The following NDUFS4 variants were observed in gnomAD, a reference collection of about 807,000 sequenced individuals.
NDUFS4 encodes the protein NADH dehydrogenase [ubiquinone] iron-sulfur protein 4, mitochondrial.
Under a neutral mutation model 24.3 loss-of-function variants are expected in NDUFS4, and 28 were observed. That is an observed-to-expected ratio of 1.15 (90% CI 0.85 to 1.58). The LOEUF (loss-of-function observed/expected upper bound fraction) is 1.58. Among genes scored for constraint, NDUFS4 ranks in the 40% most tolerant of loss-of-function variants. The pLI, the probability that NDUFS4 is intolerant of heterozygous loss-of-function variation, is 0.00. For missense variants in NDUFS4, 223 were observed against 207.9 expected (o/e 1.07, Z -0.45); for synonymous variants, 93 against 69.7 (o/e 1.34, Z -1.67).
chr5:53,683,026 TAA>T (rs1740722341), intron 4 of NDUFS4, 90 bp from the exon 5 acceptor site: 1 of 843,496 alleles, frequency 1.2e-6, no homozygotes, highest in African/African-American at 1.7e-5. Context: ...AACATTAAGT[TAA>T]GTTATAAAAG....
chr5:53,587,604 G>A (rs1362337143), intron 1 of NDUFS4, among the ~76,000 whole-genome samples: 6 of 146,890 alleles, frequency 4.1e-5, no homozygotes, highest in South Asian at 2.1e-4. Flanking sequence ...TTGAGACAGC[G>A]TCTCGCTCTG....
intron 4 of NDUFS4, 160 bp downstream of exon 4, chr5:53,658,784 CAAAAAA>C (rs35754713): frequency 2.6e-4 from 36 of 136,908 alleles, no homozygotes; most frequent in African/African-American, 6.7e-4. Flanking sequence ...CACCCACCTC[CAAAAAA>C]AAAAAAAAAA....
chr5:53,673,921 C>T (rs957491134), intron 4 of NDUFS4, among the ~76,000 whole-genome samples: 2 of 152,300 alleles, frequency 1.3e-5, no homozygotes, highest in East Asian at 3.9e-4. Context: ...CATTAACCAA[C>T]TCAGAGATAC....
At chr5:53,673,275 CCT>C (rs1293705440) in intron 4 of NDUFS4, among the ~76,000 whole-genome samples, 2 of 151,980 alleles carry the variant, frequency 1.3e-5, no homozygotes, top group African/African-American at 2.4e-5. Flanking sequence ...ATAAAATAAA[CCT>C]AATTATTTTT....
chr5:53,604,135 C>T (rs959836853), intron 2 of NDUFS4, among the ~76,000 whole-genome samples: 2 of 152,208 alleles, frequency 1.3e-5, no homozygotes, highest in African/African-American at 2.4e-5. Flanking sequence ...TGTTACTTTA[C>T]ATGCAACTTT....
rs147898675 is a variant in NDUFS4, at chr5:53,594,981, T to A, written c.99-8471T>A. Among the ~76,000 whole-genome samples the A allele has an allele frequency of 2.0e-5, 3 of 152,182 alleles. No individual in the cohort carries two copies. The East Asian group carries it at 5.8e-4, about 29-fold the overall frequency. ...TAGAAAGGGATTCAGACATTATGCT[T>A]CCATGAAAGGATGGCCAGTTGTCTC... On this transcript the variant is annotated intron_variant, in intron 1 of 4. Transcript: ENST00000296684.
rs1206147247 is a variant in NDUFS4, at chr5:53,565,459, A to G, written c.98+4699A>G. The stretch of plus-strand genomic sequence containing the variant: ...TGTTTATTTGTGTGTACTTCATGGC[A>G]TCTAGTGTAATGGCTTGCATGTAGC... On this transcript the variant is annotated intron_variant, in intron 1 of 4. Coordinates refer to ENST00000296684, the MANE Select transcript of NDUFS4 (RefSeq NM_002495.4). Among the ~76,000 whole-genome samples the G allele has an allele frequency of 2.6e-5, 4 of 152,202 alleles. No homozygotes were observed. In the East Asian group the frequency reaches 7.7e-4, roughly 29 times the overall value.
chr5:53,584,140 A>G (rs1749665262), intron 1 of NDUFS4, among the ~76,000 whole-genome samples: 1 of 152,218 alleles, frequency 6.6e-6, no homozygotes, highest in Non-Finnish European at 1.5e-5. Context: ...TTTCATAGAA[A>G]TTACCATTTG....
At chr5:53,573,778 A>G in intron 1 of NDUFS4, 1 of 240,398 alleles carries the variant, frequency 4.2e-6, no homozygotes, top group Middle Eastern at 5.0e-4. Context: ...ATTTTTTTGT[A>G]GAGACAGGTT....
At chr5:53,566,124 G>C (rs1037748303) in intron 1 of NDUFS4, among the ~76,000 whole-genome samples, 1 of 152,172 alleles carries the variant, frequency 6.6e-6, no homozygotes, top group Non-Finnish European at 1.5e-5. Flanking sequence ...AGTGAGCCGA[G>C]ATCGCACCAC....
In NDUFS4 at chr5:53,564,528, T is replaced by A. The variant is rs570536773; in HGVS notation, c.98+3768T>A. Among the ~76,000 whole-genome samples, 76 of 152,288 alleles carry A rather than the reference T, an allele frequency of 5.0e-4. 1 individual carries two copies. The highest frequency in any genetic ancestry group is 1.7e-3 in the African/African-American group (69 of 41,554). Reference sequence around the variant, plus strand: ...ATCAGTAGCAGACATCTTCGTTGAATTTTTGTTAGGAAAATAATTATTATA... The same window carrying A: ...ATCAGTAGCAGACATCTTCGTTGAAATTTTGTTAGGAAAATAATTATTATA... On this transcript the variant is annotated intron_variant, in intron 1 of 4. Transcript: ENST00000296684.
intron 4 of NDUFS4, among the ~76,000 whole-genome samples, chr5:53,661,334 G>A: frequency 1.3e-5 from 2 of 151,954 alleles, no homozygotes; most frequent in African/African-American, 4.8e-5. Context: ...TATTTCTGAG[G>A]GCTCTGTTCT....
chr5:53,597,849 ACG>A (rs1461713974), intron 1 of NDUFS4, among the ~76,000 whole-genome samples: 2 of 152,194 alleles, frequency 1.3e-5, no homozygotes, highest in African/African-American at 4.8e-5. Context: ...TTTGCAAAAC[ACG>A]TATCTCATAA....
intron 4 of NDUFS4, among the ~76,000 whole-genome samples, chr5:53,682,867 G>GAATC (rs1740715261): frequency 6.6e-6 from 1 of 152,070 alleles, no homozygotes; most frequent in South Asian, 2.1e-4. Context: ...AGGTGAAATT[G>GAATC]AATCATAGTT....
In NDUFS4 at chr5:53,660,615, G is replaced by A. The variant is rs550312438; in HGVS notation, c.424+1991G>A. 5.7e-4 allele frequency among the ~76,000 whole-genome samples: 86 copies of A among 152,006 alleles called. 1 individual carries two copies. Among genetic ancestry groups the A allele is most frequent in the African/African-American group, 1.8e-3 (74 of 41,476 alleles). On this transcript the variant is annotated intron_variant, in intron 4 of 4. Coordinates refer to ENST00000296684, the MANE Select transcript of NDUFS4 (RefSeq NM_002495.4). ...GGTTGAACTAGTTTGCAGTCCCACCGACAGTGTAAAAGTGTTCCTTTTTCT... is the reference window on the plus strand; with the variant it reads ...GGTTGAACTAGTTTGCAGTCCCACCAACAGTGTAAAAGTGTTCCTTTTTCT...
intron 1 of NDUFS4, among the ~76,000 whole-genome samples, chr5:53,593,071 A>G (rs1215842302): frequency 1.3e-5 from 2 of 152,138 alleles, no homozygotes; most frequent in African/African-American, 4.8e-5. Context: ...AGAATGAGGT[A>G]CTACATGCTT....
At chr5:53,623,931 C>T (rs1313866545) in intron 2 of NDUFS4, among the ~76,000 whole-genome samples, 2 of 152,114 alleles carry the variant, frequency 1.3e-5, no homozygotes, top group Non-Finnish European at 2.9e-5. Context: ...ATTGGCCAGG[C>T]TACTCTTGAA....
intron 1 of NDUFS4, among the ~76,000 whole-genome samples, chr5:53,594,016 C>T (rs1750055940): frequency 6.6e-6 from 1 of 151,982 alleles, no homozygotes; most frequent in Non-Finnish European, 1.5e-5. Flanking sequence ...GTGTCTTTTG[C>T]CATTGTTAGA....
intron 4 of NDUFS4, among the ~76,000 whole-genome samples, chr5:53,678,722 A>G (rs1358397064): frequency 6.6e-6 from 1 of 152,196 alleles, no homozygotes; most frequent in Non-Finnish European, 1.5e-5. Context: ...TAAACATTTA[A>G]TATCTACATT....
Sources: allele counts gnomAD v4.1 joint callset (sites outside exome capture counted in the v4.1 genomes callset), GRCh38; gene constraint gnomAD v4.1.1; transcripts MANE v1.5; gene names NCBI Gene and HGNC (gene_info 2026-07-23, HGNC 2026-07-21).